The following ADGRL3 variants were observed in gnomAD, a reference collection of about 807,000 sequenced individuals.
ADGRL3 encodes the protein calcium-independent alpha-latrotoxin receptor 3.
In ADGRL3, 62 loss-of-function variants were observed where a neutral mutation model predicts 153.5. The observed-to-expected ratio is 0.40, with a 90% CI of 0.33 to 0.50. ADGRL3 has a LOEUF of 0.50. Ranked by LOEUF, ADGRL3 falls within the 20% of genes least tolerant of loss-of-function variation. The probability of loss-of-function intolerance (pLI) is 0.47; values close to 1 mark genes in which losing one functional copy is unlikely to be tolerated. For missense variants in ADGRL3, 1,641 were observed against 1,859.4 expected (o/e 0.88, Z 2.16); for synonymous variants, 710 against 672.5 (o/e 1.06, Z -0.86).
At chr4:61,845,601 C>T (rs1323587870) in intron 9 of ADGRL3, among the ~76,000 whole-genome samples, 1 of 151,216 alleles carries the variant, frequency 6.6e-6, no homozygotes, top group South Asian at 2.1e-4. Context: ...CCTGGGCTCA[C>T]GTTACCCTCC....
intron 17 of ADGRL3, among the ~76,000 whole-genome samples, chr4:61,963,002 G>A (rs2098993608): frequency 4.6e-5 from 7 of 152,008 alleles, no homozygotes; most frequent in Admixed American, 4.6e-4. Flanking sequence ...GGAAACACAT[G>A]GGAAAGAGCT....
intron 5 of ADGRL3, among the ~76,000 whole-genome samples, chr4:61,667,759 A>G (rs532878852): frequency 6.6e-6 from 1 of 152,340 alleles, no homozygotes; most frequent in South Asian, 2.1e-4. Flanking sequence ...ACAAACAAAC[A>G]TAATCTTTTA....
At chr4:61,854,533 A>G (rs1273607275) in intron 9 of ADGRL3, among the ~76,000 whole-genome samples, 3 of 152,322 alleles carry the variant, frequency 2.0e-5, no homozygotes, top group Admixed American at 2.0e-4. Flanking sequence ...AAATAAAGTC[A>G]TGAGTTCCTA....
At chr4:61,486,878 C>T (rs1210949429) in intron 2 of ADGRL3, among the ~76,000 whole-genome samples, 2 of 152,150 alleles carry the variant, frequency 1.3e-5, no homozygotes, top group South Asian at 4.1e-4. Context: ...TGTTGCCCTT[C>T]ATTTACCCAA....
At chr4:62,044,695 T>C (rs1321909132) in intron 25 of ADGRL3, 146 bp downstream of exon 25, 1 of 500,440 alleles carries the variant, frequency 2.0e-6, no homozygotes, top group Non-Finnish European at 3.6e-6. Context: ...TGTAGCAATG[T>C]GTTCCATTAT....
chr4:61,845,463 A>G (rs1581112644), intron 9 of ADGRL3, among the ~76,000 whole-genome samples: 1 of 150,336 alleles, frequency 6.7e-6, no homozygotes, highest in African/African-American at 2.4e-5. Context: ...CCATCCTTAC[A>G]CCTCAGCCTC....
At chr4:61,519,084 T>C (rs2098514972) in intron 4 of ADGRL3, among the ~76,000 whole-genome samples, 1 of 152,150 alleles carries the variant, frequency 6.6e-6, no homozygotes. Flanking sequence ...TAATATTTAA[T>C]TTATATGAAT....
At chr4:61,263,688 A>G (rs2092684198) in intron 1 of ADGRL3, among the ~76,000 whole-genome samples, 1 of 152,000 alleles carries the variant, frequency 6.6e-6, no homozygotes, top group South Asian at 2.1e-4. Context: ...TTGCTCAGTC[A>G]TTTCAAGTTC....
intron 11 of ADGRL3, among the ~76,000 whole-genome samples, chr4:61,899,703 A>C (rs528403011): frequency 4.1e-4 from 62 of 152,282 alleles, no homozygotes; most frequent in African/African-American, 1.4e-3. Flanking sequence ...GCTTATAAAC[A>C]ACAGAAGTAT....
chr4:61,257,136 T>C (rs924448203), intron 1 of ADGRL3, among the ~76,000 whole-genome samples: 5 of 152,204 alleles, frequency 3.3e-5, no homozygotes, highest in African/African-American at 1.2e-4. Context: ...TTTTCCATGA[T>C]TTTATTTCAC....
intron 9 of ADGRL3, among the ~76,000 whole-genome samples, chr4:61,858,490 G>A (rs1296190567): frequency 2.0e-5 from 3 of 152,014 alleles, no homozygotes; most frequent in Admixed American, 6.6e-5. Flanking sequence ...GCGTAGTGGC[G>A]CGTGCATGCA....
chr4:61,768,142 A>T (rs1267546472), intron 8 of ADGRL3, among the ~76,000 whole-genome samples: 5 of 152,154 alleles, frequency 3.3e-5, no homozygotes, highest in Admixed American at 3.3e-4. Context: ...TGGGATAAAG[A>T]AAAAGGAGCA....
At chr4:62,036,594 C>G (rs1725139065) in intron 23 of ADGRL3, among the ~76,000 whole-genome samples, 1 of 152,022 alleles carries the variant, frequency 6.6e-6, no homozygotes, top group South Asian at 2.1e-4. Context: ...TTTAATGTAT[C>G]ATTTACATAC....
intron 13 of ADGRL3, among the ~76,000 whole-genome samples, chr4:61,922,973 G>A (rs2098777174): frequency 6.6e-6 from 1 of 152,128 alleles, no homozygotes; most frequent in South Asian, 2.1e-4. Context: ...CACTTCGTGC[G>A]GATCAGGGAA....
intron 4 of ADGRL3, among the ~76,000 whole-genome samples, chr4:61,548,904 T>C (rs1459275037): frequency 2.0e-5 from 3 of 152,060 alleles, no homozygotes; most frequent in Non-Finnish European, 2.9e-5. Flanking sequence ...AGGAATAGTG[T>C]TGAATCTGTA....
At chr4:61,821,743 C>G (rs553926865) in intron 9 of ADGRL3, among the ~76,000 whole-genome samples, 1 of 152,138 alleles carries the variant, frequency 6.6e-6, no homozygotes, top group Non-Finnish European at 1.5e-5. Flanking sequence ...AAATATGGTT[C>G]AACTGACACA....
intron 6 of ADGRL3, among the ~76,000 whole-genome samples, chr4:61,716,816 A>G (rs1167130281): frequency 6.6e-6 from 1 of 152,196 alleles, no homozygotes; most frequent in East Asian, 1.9e-4. Context: ...GTTTTGAAAA[A>G]GAACAAAAAG....
intron 23 of ADGRL3, among the ~76,000 whole-genome samples, chr4:62,034,755 G>A (rs1434774545): frequency 6.6e-6 from 1 of 151,728 alleles, no homozygotes; most frequent in Non-Finnish European, 1.5e-5. Context: ...TAAAATTTTT[G>A]TATCTCAGTC....
chr4:61,948,259 G>T lies in ADGRL3; in HGVS notation c.2788G>T (p.Ala930Ser). Residue 930 changes from alanine (A) to serine (S), a missense_variant, in exon 17 of 27, where the codon GCA (alanine) becomes TCA (serine). Physicochemically the swap from Ala to Ser is moderately conservative, Grantham distance 99. Coordinates refer to ENST00000683033, the MANE Select transcript of ADGRL3 (RefSeq NM_001387552.1). ...NHLTNFAVLM[A>S]HVEVKHSDAV... ...CCTAACAAATTTTGCAGTACTGATG[G>T]CACATGTGGAAGTTAAGGTAAGATA... The T allele has an allele frequency of 1.2e-6, 2 of 1,613,494 alleles. No individual in the cohort carries two copies. Among genetic ancestry groups the T allele is most frequent in the African/African-American group, 2.7e-5 (2 of 75,004 alleles).
Sources: gnomAD v4.1 joint callset for allele counts (sites outside exome capture counted in the v4.1 genomes callset) on GRCh38, gnomAD v4.1.1 for gene constraint, MANE v1.5 for transcripts, NCBI Gene and HGNC (gene_info 2026-07-23, HGNC 2026-07-21) for gene names.